Variants in ROBO2 observed in about 807,000 individuals in gnomAD.
ROBO2 encodes roundabout homolog 2.
Under a neutral mutation model 160.8 loss-of-function variants are expected in ROBO2, and 53 were observed. That is an observed-to-expected ratio of 0.33 (90% CI 0.26 to 0.41). The LOEUF (loss-of-function observed/expected upper bound fraction) is 0.41, where lower values mean the gene tolerates loss of function less well. Ranked by LOEUF, ROBO2 falls within the 10% of genes least tolerant of loss-of-function variation. ROBO2 has a pLI of 1.00. For synonymous variants in ROBO2, 664 were observed against 611.7 expected (o/e 1.09, Z -1.26); for missense variants, 1,577 against 1,722.4 (o/e 0.92, Z 1.49).
intron 2 of ROBO2, among the ~76,000 whole-genome samples, chr3:76,405,511 G>A (rs1260233244): frequency 1.3e-5 from 2 of 151,784 alleles, no homozygotes; most frequent in African/African-American, 4.8e-5. Context: ...ACGCAGTCAA[G>A]TAAATCTGGT....
chr3:76,926,667 G>A lies in ROBO2; in HGVS notation c.110-171347G>A, dbSNP rs144807051. Among the ~76,000 whole-genome samples, 46 of 152,284 alleles carry A rather than the reference G, an allele frequency of 3.0e-4. No homozygotes were observed. In the East Asian group the frequency reaches 8.9e-3, roughly 29 times the overall value. ...GTAAGTAGGGAGAGAGAGAATCTAG[G>A]TAGGTTCTTAAAGAGAAGGGGCTAA... On this transcript the variant is annotated intron_variant, in intron 2 of 26. Transcript: ENST00000487694.
intron 2 of ROBO2, among the ~76,000 whole-genome samples, chr3:76,218,206 A>G (rs1703697544): frequency 6.6e-6 from 1 of 152,336 alleles, no homozygotes; most frequent in Non-Finnish European, 1.5e-5. Flanking sequence ...AGCCAATATC[A>G]TACTGAATGG....
intron 2 of ROBO2, among the ~76,000 whole-genome samples, chr3:77,391,453 A>C (rs182555452): frequency 1.2e-3 from 177 of 151,948 alleles, no homozygotes; most frequent in Admixed American, 1.9e-3. Flanking sequence ...CTACAGGTGC[A>C]CACCTGTAGT....
intron 2 of ROBO2, among the ~76,000 whole-genome samples, chr3:76,906,813 G>C (rs760155345): frequency 1.4e-4 from 21 of 151,982 alleles, no homozygotes; most frequent in Non-Finnish European, 3.1e-4. Context: ...ATAGATTTTA[G>C]TTTATCCTTT....
intron 2 of ROBO2, among the ~76,000 whole-genome samples, chr3:76,774,814 C>T (rs1404444838): frequency 6.9e-6 from 1 of 145,786 alleles, no homozygotes. Flanking sequence ...AGAATATCCT[C>T]TTTTTTTTTT....
At chr3:77,238,440 G>T (rs1182484188) in intron 2 of ROBO2, among the ~76,000 whole-genome samples, 2 of 151,950 alleles carry the variant, frequency 1.3e-5, no homozygotes, top group Non-Finnish European at 2.9e-5. Context: ...ATGCCTTTTT[G>T]ATACCATTTA....
chr3:77,510,002 A>T (rs1017319148), intron 5 of ROBO2, among the ~76,000 whole-genome samples: 2 of 151,988 alleles, frequency 1.3e-5, no homozygotes, highest in Non-Finnish European at 2.9e-5. Context: ...GGCTCAGCAT[A>T]TGCAGGGATG....
At chr3:77,574,519 T>C in exon 14 of ROBO2, 1 of 1,613,334 alleles carries the variant, frequency 6.2e-7, no homozygotes, top group African/African-American at 1.3e-5. Context: ...AACCCCAGTT[T>C]ATCCAAGGCT....
intron 2 of ROBO2, among the ~76,000 whole-genome samples, chr3:76,215,495 G>A (rs894071317): frequency 1.3e-5 from 2 of 152,178 alleles, no homozygotes; most frequent in East Asian, 1.9e-4. Flanking sequence ...ATCAGGGCAC[G>A]GGATCTACGT....
chr3:76,986,151 T>C (rs2060366569), intron 2 of ROBO2, among the ~76,000 whole-genome samples: 1 of 152,128 alleles, frequency 6.6e-6, no homozygotes, highest in Non-Finnish European at 1.5e-5. Context: ...GCACTGTTTC[T>C]TAATTAATCA....
chr3:76,118,720 G>A (rs1369646458), intron 2 of ROBO2, among the ~76,000 whole-genome samples: 1 of 152,130 alleles, frequency 6.6e-6, no homozygotes, highest in East Asian at 1.9e-4. Context: ...CATATAGACT[G>A]TATATGTTTC....
In ROBO2 at chr3:76,338,780, ATT is replaced by A. The variant is rs560865646; in HGVS notation, c.109+401180_109+401181del. 6.2e-4 allele frequency among the ~76,000 whole-genome samples: 93 copies of A among 151,098 alleles called. 1 individual carries two copies. The highest frequency in any genetic ancestry group is 7.0e-3 in the Middle Eastern group (2 of 284). Reference sequence around the variant, plus strand: ...ATTAATCAAATTTATTTTGTTATATATTTGATTAATAAACATAATGAAATTGA... The same window carrying A: ...ATTAATCAAATTTATTTTGTTATATATGATTAATAAACATAATGAAATTGA... On this transcript the variant is annotated intron_variant, in intron 2 of 26. Transcript: ENST00000487694.
chr3:76,875,405 A>G (rs550563639), intron 2 of ROBO2, among the ~76,000 whole-genome samples: 1 of 152,338 alleles, frequency 6.6e-6, no homozygotes, highest in East Asian at 1.9e-4. Context: ...GGCTGCTATA[A>G]CAAATTATCA....
chr3:76,903,192 A>G (rs1271268578), intron 2 of ROBO2, among the ~76,000 whole-genome samples: 2 of 152,114 alleles, frequency 1.3e-5, no homozygotes, highest in Non-Finnish European at 2.9e-5. Context: ...TGGTTTTATC[A>G]TTTTATATGT....
At chr3:77,403,809 C>T (rs535580559) in intron 2 of ROBO2, among the ~76,000 whole-genome samples, 1 of 152,050 alleles carries the variant, frequency 6.6e-6, no homozygotes, top group East Asian at 1.9e-4. Context: ...ATGTACCAAA[C>T]ATTTCAATGG....
At chr3:77,038,520 G>A (rs1025150870), upstream of ROBO2, among the ~76,000 whole-genome samples, 1 of 152,054 alleles carries the variant, frequency 6.6e-6, no homozygotes, top group Non-Finnish European at 1.5e-5. Context: ...CCAAACAAAG[G>A]CTCTTCCTCA....
chr3:75,907,787 C>T (rs1210440691), intron 1 of ROBO2, among the ~76,000 whole-genome samples: 1 of 151,940 alleles, frequency 6.6e-6, no homozygotes, highest in South Asian at 2.1e-4. Flanking sequence ...AAATTATGGA[C>T]ATTTCCCACA....
At chr3:76,222,675 C>T (rs1214739580) in intron 2 of ROBO2, among the ~76,000 whole-genome samples, 3 of 152,098 alleles carry the variant, frequency 2.0e-5, no homozygotes, top group African/African-American at 4.8e-5. Flanking sequence ...CTCTCCTACC[C>T]GGCTCATACC....
intron 2 of ROBO2, among the ~76,000 whole-genome samples, chr3:76,925,183 C>A (rs1369926071): frequency 6.9e-6 from 1 of 144,010 alleles, no homozygotes; most frequent in Non-Finnish European, 1.5e-5. Context: ...TGCACTCCAG[C>A]CTGGGCGACA....
Sources: gnomAD v4.1 joint callset for allele counts (sites outside exome capture counted in the v4.1 genomes callset) on GRCh38, gnomAD v4.1.1 for gene constraint, MANE v1.5 for transcripts, NCBI Gene and HGNC (gene_info 2026-07-23, HGNC 2026-07-21) for gene names.